RHBDF2: variants seen among roughly 807,000 people sequenced by gnomAD.
RHBDF2 encodes the protein inactive rhomboid protein 2.
RHBDF2 carries 38 observed loss-of-function variants against 95.2 expected under a neutral mutation model. The ratio of observed to expected loss-of-function variants is 0.40; its 90% confidence interval spans 0.31 to 0.52. RHBDF2 has a LOEUF of 0.52. RHBDF2 is among the 20% of genes least tolerant of loss of function. RHBDF2 has a pLI of 0.56. For missense variants in RHBDF2, 863 were observed against 1,137.7 expected (o/e 0.76, Z 3.47); for synonymous variants, 442 against 462.0 (o/e 0.96, Z 0.55).
chr17:76,473,043 C>T lies in RHBDF2; in HGVS notation c.1872G>A (p.Gln624=), dbSNP rs2073638725. ...AGAGAGACAGCCAGAGCCTGTAGAA[C>T]TGATCTGGGACCTCAGGGTTGAGGA... is the stretch of plus-strand genomic sequence containing the variant. The part of the protein sequence containing the change: ...LPFLNPEVPD[Q]FYRLWLSLFL... The change falls in exon 17 of 19, where the codon CAG becomes CAA. Residue 624 remains glutamine (Q), a synonymous_variant. Transcript: ENST00000675367. The T allele has an allele frequency of 2.5e-6, 4 of 1,614,148 alleles. No homozygotes were observed. The East Asian group carries it at 8.9e-5, about 36-fold the overall frequency.
intron 2 of RHBDF2, among the ~76,000 whole-genome samples, chr17:76,484,202 G>A (rs2074054345): frequency 6.6e-6 from 1 of 152,152 alleles, no homozygotes; most frequent in Admixed American, 6.5e-5. Context: ...GGCAGAGGTT[G>A]CAGTGAGCCG....
chr17:76,471,518 G>C lies in RHBDF2; in HGVS notation c.*115C>G, dbSNP rs913376666. ...AGGGGGGCACCCAGGTCCAGAGCCC[G>C]GGCCCTGTCTTGGGTCTCTGGCTCT... On this transcript the variant is annotated 3_prime_UTR_variant, in exon 19 of 19. Coordinates refer to ENST00000675367, the MANE Select transcript of RHBDF2 (RefSeq NM_001005498.4). 4 of 1,216,086 alleles carry C rather than the reference G, an allele frequency of 3.3e-6. No individual in the cohort carries two copies. The highest frequency in any genetic ancestry group is 3.4e-6 in the Non-Finnish European group (3 of 888,964). 75.3% of individuals were successfully genotyped at this position (1,216,086 alleles called of 1,614,324 possible).
At chr17:76,481,830 T>G in intron 2 of RHBDF2, 1 of 231,278 alleles carries the variant, frequency 4.3e-6, no homozygotes, top group South Asian at 6.5e-5. Flanking sequence ...GGCACGTGCC[T>G]GTAATCCCAG....
intron 1 of RHBDF2, among the ~76,000 whole-genome samples, chr17:76,489,679 T>C (rs2074247974): frequency 7.1e-6 from 1 of 140,960 alleles, no homozygotes; most frequent in African/African-American, 2.6e-5. Context: ...AACCCCAAGA[T>C]GCCGGAAGCC....
At chr17:76,486,768 G>A (rs1337990466) in intron 2 of RHBDF2, among the ~76,000 whole-genome samples, 2 of 105,240 alleles carry the variant, frequency 1.9e-5, no homozygotes, top group African/African-American at 3.5e-5. Context: ...TGGGTGAATC[G>A]ACTGGTGTGT....
At chr17:76,490,319 G>A (rs748009543) in intron 1 of RHBDF2, among the ~76,000 whole-genome samples, 5 of 152,094 alleles carry the variant, frequency 3.3e-5, no homozygotes, top group Non-Finnish European at 5.9e-5. Flanking sequence ...TGAGTATGAC[G>A]AGGTCCTCAG....
At chr17:76,479,480 GC>G in intron 4 of RHBDF2, 1 of 841,792 alleles carries the variant, frequency 1.2e-6, no homozygotes, top group Non-Finnish European at 1.9e-6. Flanking sequence ...CCAGGCTAGG[GC>G]CCCAGGCACC....
chr17:76,482,004 A>ACACACACACACACACACACAC (rs2073987229), intron 2 of RHBDF2: 1 of 24,196 alleles, frequency 4.1e-5, no homozygotes, highest in African/African-American at 8.6e-5. Flanking sequence ...CACACACACA[A>ACACACACACACACACACACAC]AACCAAAAAC....
chr17:76,487,248 GC>G (rs1192499958), intron 2 of RHBDF2, among the ~76,000 whole-genome samples: 2 of 114,002 alleles, frequency 1.8e-5, no homozygotes, highest in East Asian at 4.6e-4. Flanking sequence ...AGCATGCCTG[GC>G]AAATTTTTTT....
intron 3 of RHBDF2, among the ~76,000 whole-genome samples, chr17:76,481,165 C>A (rs1446363823): frequency 1.3e-5 from 2 of 152,220 alleles, no homozygotes; most frequent in African/African-American, 4.8e-5. Context: ...TGCCCCTGAC[C>A]ACGATGAGAG....
chr17:76,493,167 C>T (rs1008371077), intron 1 of RHBDF2: 1 of 152,142 alleles, frequency 6.6e-6, no homozygotes, highest in African/African-American at 2.4e-5. Flanking sequence ...GGGCTGGGGA[C>T]AAGGAAACTG....
chr17:76,485,600 C>T (rs1044370122), intron 2 of RHBDF2, among the ~76,000 whole-genome samples: 2 of 151,750 alleles, frequency 1.3e-5, no homozygotes, highest in Non-Finnish European at 2.9e-5. Flanking sequence ...TCTCAAACAA[C>T]AACAAAAAAT....
intron 1 of RHBDF2, among the ~76,000 whole-genome samples, chr17:76,494,864 G>A (rs1410275814): frequency 6.6e-6 from 1 of 152,224 alleles, no homozygotes; most frequent in Non-Finnish European, 1.5e-5. Context: ...AGCAGCTCCC[G>A]AGCCTGGGGC....
chr17:76,491,404 G>C (rs927120136), intron 1 of RHBDF2, among the ~76,000 whole-genome samples: 3 of 151,766 alleles, frequency 2.0e-5, no homozygotes, highest in Non-Finnish European at 4.4e-5. Context: ...AGGGAGAGGA[G>C]AGCCTGGTCA....
intron 1 of RHBDF2, among the ~76,000 whole-genome samples, chr17:76,498,772 G>A (rs750758413): frequency 6.0e-5 from 9 of 149,028 alleles, no homozygotes; most frequent in Non-Finnish European, 6.0e-5. Flanking sequence ...TCCCCCTCCT[G>A]GGCTGGAGAG....
At chr17:76,493,857 G>A (rs892141680) in intron 1 of RHBDF2, among the ~76,000 whole-genome samples, 5 of 152,266 alleles carry the variant, frequency 3.3e-5, no homozygotes, top group Non-Finnish European at 7.3e-5. Context: ...GGCCCAGAGA[G>A]CTGTTTCTTT....
rs147436373 is a variant in RHBDF2 at position 76,500,696 on chromosome 17, G to A, written c.-220+657C>T. Reference sequence around the variant, plus strand: ...GGAGTGGGGCGGGGTCTGTACCCTAGGGAACTTATCCGTCTCTATCCCAAT... The same window carrying A: ...GGAGTGGGGCGGGGTCTGTACCCTAAGGAACTTATCCGTCTCTATCCCAAT... On this transcript the variant is annotated intron_variant, in intron 1 of 18. Transcript: ENST00000675367. Among the ~76,000 whole-genome samples, 1,140 of 152,292 alleles carry A rather than the reference G, an allele frequency of 7.5e-3. 7 individuals are homozygous for A. The highest frequency in any genetic ancestry group is 0.014 in the Middle Eastern group (4 of 294).
Position 76,473,036 on chromosome 17 carries a change from T to C in RHBDF2, c.1879A>G (p.Arg627Gly). 3.1e-6 allele frequency: 5 copies of C among 1,614,058 alleles called. No homozygotes were observed. Among genetic ancestry groups the C allele is most frequent in the Non-Finnish European group, 4.2e-6 (5 of 1,179,926 alleles). The change falls in exon 17 of 19, where the codon AGG becomes GGG. Residue 627 changes from arginine (R) to glycine (G), a missense_variant. Around this residue, in one of 2 missense-constraint regions of RHBDF2, gnomAD observed 252 missense variants for 412.2 expected, o/e 0.61. Coordinates refer to ENST00000675367, the MANE Select transcript of RHBDF2 (RefSeq NM_001005498.4). ...LNPEVPDQFY[R>G]LWLSLFLHAG... Reference sequence around the variant, plus strand: ...TGTAGGAAGAGAGACAGCCAGAGCCTGTAGAACTGATCTGGGACCTCAGGG... The same window carrying C: ...TGTAGGAAGAGAGACAGCCAGAGCCCGTAGAACTGATCTGGGACCTCAGGG...
At position 76,477,805 on chromosome 17, in the gene RHBDF2, C is replaced by T. The variant is rs1331479994; in HGVS notation, c.673-20G>A. 2 of 1,605,656 alleles carry T rather than the reference C, an allele frequency of 1.2e-6. No individual in the cohort carries two copies. Among genetic ancestry groups the T allele is most frequent in the Non-Finnish European group, 8.5e-7 (1 of 1,179,542 alleles). On this transcript the variant is annotated intron_variant, in intron 6 of 18. Coordinates refer to ENST00000675367, the MANE Select transcript of RHBDF2 (RefSeq NM_001005498.4). ...GCGCCCCTGTGCACGGGCAGAGGCA[C>T]AGCCATCAGGACCACAGCCTGGCCA...
Sources: allele counts gnomAD v4.1 joint callset (sites outside exome capture counted in the v4.1 genomes callset), GRCh38; gene constraint gnomAD v4.1.1; regional missense constraint gnomAD v4.1.1; transcripts MANE v1.5; gene names NCBI Gene and HGNC (gene_info 2026-07-23, HGNC 2026-07-21).